CABIN1: variants seen among roughly 807,000 people sequenced by gnomAD.
CABIN1 encodes calcineurin-binding protein cabin-1.
A neutral mutation model predicts 227.7 loss-of-function variants in CABIN1; 133 were observed. The ratio of observed to expected loss-of-function variants is 0.58; its 90% confidence interval spans 0.51 to 0.67. The LOEUF (loss-of-function observed/expected upper bound fraction) is 0.67. Among genes scored for constraint, CABIN1 ranks in the 30% least tolerant of loss-of-function variants. CABIN1 has a pLI of 0.00. For synonymous variants in CABIN1, 1,086 were observed against 1,155.1 expected (o/e 0.94, Z 1.21); for missense variants, 2,408 against 2,852.5 (o/e 0.84, Z 3.55).
At chr22:24,167,759 T>C (rs762028481) in intron 32 of CABIN1, among the ~76,000 whole-genome samples, 1 of 152,200 alleles carries the variant, frequency 6.6e-6, no homozygotes, top group Non-Finnish European at 1.5e-5. Flanking sequence ...TCCAAAACTT[T>C]AGTGACTGGT....
In CABIN1 at chr22:24,091,708, G is replaced by A. The variant is rs753938974; in HGVS notation, c.3651G>A (p.Glu1217=). The A allele has an allele frequency of 1.2e-6, 2 of 1,614,056 alleles. No homozygotes were observed. The highest frequency in any genetic ancestry group is 1.7e-6 in the Non-Finnish European group (2 of 1,180,050). The part of the protein sequence containing the change: ...LIHYMLGKVA[E]KQQQPPTVYL... ...ACTACATGCTGGGCAAGGTGGCTGA[G>A]AAGCAGCAGCAGCCACCCACCGTTT... The change falls in exon 24 of 37, where the codon GAG becomes GAA. Residue 1217 remains glutamate (E), a synonymous_variant. Transcript: ENST00000263119.
At chr22:24,081,000 T>C (rs2040771412) in intron 19 of CABIN1, among the ~76,000 whole-genome samples, 1 of 152,176 alleles carries the variant, frequency 6.6e-6, no homozygotes, top group Non-Finnish European at 1.5e-5. Context: ...CTTTGAGGCT[T>C]TGTAGGTTCT....
At chr22:24,019,972 A>G (rs1407253430) in intron 1 of CABIN1, among the ~76,000 whole-genome samples, 1 of 151,872 alleles carries the variant, frequency 6.6e-6, no homozygotes, top group Non-Finnish European at 1.5e-5. Flanking sequence ...CCATTTTTAT[A>G]TCTCTAATTG....
chr22:24,177,841 G>A lies in CABIN1; in HGVS notation c.6519+24G>A, dbSNP rs746068889. 1.9e-6 allele frequency: 3 copies of A among 1,601,094 alleles called. No individual in the cohort carries two copies. The highest frequency in any genetic ancestry group is 2.6e-6 in the Non-Finnish European group (3 of 1,171,854). On this transcript the variant is annotated intron_variant, in intron 36 of 36. Transcript: ENST00000263119. The surrounding 1 kb of genome is among the most constrained non-coding windows in gnomAD (Gnocchi z 4.4). ...AGGTGACCTCAGGGGCTGGGCTGGA[G>A]CCATGTGTGGGTGGGAGGCATAGGT...
chr22:24,035,512 C>T lies in CABIN1; in HGVS notation c.-6C>T. On this transcript the variant is annotated 5_prime_UTR_variant, in exon 2 of 37. Transcript: ENST00000263119. ...ATGCTCGTGGCAGTGCTGAATCTCT[C>T]TGAATATGGTAAGGACTGATGCCTG... 6.2e-7 allele frequency: 1 copy of T among 1,614,168 alleles called. No homozygotes were observed. The highest frequency in any genetic ancestry group is 2.2e-5 in the East Asian group (1 of 44,878).
Position 24,084,583 on chromosome 22 carries a change from A to C in CABIN1, c.2915A>C (p.Asp972Ala), listed in dbSNP as rs1426635501. 6.2e-6 allele frequency: 10 copies of C among 1,612,968 alleles called. No individual in the cohort carries two copies. Among genetic ancestry groups the C allele is most frequent in the Non-Finnish European group, 6.8e-6 (8 of 1,179,518 alleles). The change falls in exon 21 of 37, where the codon GAT becomes GCT. Residue 972 changes from aspartate to alanine, a missense_variant. Asp to Ala is a moderately radical substitution (Grantham distance 126). Coordinates refer to ENST00000263119, the MANE Select transcript of CABIN1 (RefSeq NM_012295.4). Reference sequence around the variant, plus strand: ...GCCTTCTGTCTTTTTTTCAAGGTGGATCTTATATGGGAGGATGCACTGTTC... The same window carrying C: ...GCCTTCTGTCTTTTTTTCAAGGTGGCTCTTATATGGGAGGATGCACTGTTC... ...YLEEHSAQQV[D>A]LIWEDALFMF...
Position 24,168,539 on chromosome 22 carries a change from T to C in CABIN1, c.5757+18T>C. ...AGAGACAGGTAAGCCCAATTTAGCC[T>C]GTGCCAGCCTCATCTTGCGGAGCCT... On this transcript the variant is annotated intron_variant, in intron 33 of 36. Coordinates refer to ENST00000263119, the MANE Select transcript of CABIN1 (RefSeq NM_012295.4). The C allele has an allele frequency of 6.5e-7, 1 of 1,545,010 alleles. No individual in the cohort carries two copies. The highest frequency in any genetic ancestry group is 8.8e-7 in the Non-Finnish European group (1 of 1,141,056).
intron 19 of CABIN1, among the ~76,000 whole-genome samples, chr22:24,078,173 C>T (rs1180615680): frequency 1.3e-5 from 2 of 152,134 alleles, no homozygotes; most frequent in Non-Finnish European, 2.9e-5. Context: ...TGGGGACCCC[C>T]ACCATTTGTT....
chr22:24,168,812 T>G (rs1274193019), intron 33 of CABIN1, among the ~76,000 whole-genome samples: 2 of 152,200 alleles, frequency 1.3e-5, no homozygotes, highest in African/African-American at 4.8e-5. Context: ...GGGAAGGTCA[T>G]TCCGTTTGGA....
intron 29 of CABIN1, among the ~76,000 whole-genome samples, chr22:24,147,844 G>A (rs1044514067): frequency 3.3e-5 from 5 of 152,292 alleles, no homozygotes; most frequent in African/African-American, 1.2e-4. Context: ...CTGGGCCCAG[G>A]TGCACTGTCT....
At chr22:24,084,353 C>T (rs931557751) in intron 20 of CABIN1, among the ~76,000 whole-genome samples, 2 of 151,922 alleles carry the variant, frequency 1.3e-5, no homozygotes, top group South Asian at 2.1e-4. Context: ...ATTCTCCTGC[C>T]GCAACCTCCT....
intron 29 of CABIN1, among the ~76,000 whole-genome samples, chr22:24,138,808 G>A (rs1275178294): frequency 2.0e-5 from 3 of 152,150 alleles, no homozygotes; most frequent in Non-Finnish European, 4.4e-5. Flanking sequence ...ATGTCAAAAT[G>A]TTATTGGACA....
At chr22:24,126,422 G>C (rs2043728264) in intron 28 of CABIN1, among the ~76,000 whole-genome samples, 1 of 152,166 alleles carries the variant, frequency 6.6e-6, no homozygotes, top group Admixed American at 6.5e-5. Context: ...GCTTCCAGAT[G>C]GACACACACC....
In CABIN1 at chr22:24,119,711, C is replaced by T. The variant is rs773437749; in HGVS notation, c.4632+13C>T. On this transcript the variant is annotated intron_variant, in intron 28 of 36. Coordinates refer to ENST00000263119, the MANE Select transcript of CABIN1 (RefSeq NM_012295.4). ...CAAGACCCACCGGGTGAGTGGCTGC[C>T]GGGCCAAGGGGGCTTGGATCTTCCC... is the stretch of plus-strand genomic sequence containing the variant. The T allele has an allele frequency of 7.8e-5, 125 of 1,612,114 alleles. No individual in the cohort carries two copies. The highest frequency in any genetic ancestry group is 1.3e-4 in the South Asian group (12 of 91,046).
chr22:24,170,080 G>A (rs764548081), intron 33 of CABIN1: 1 of 454,184 alleles, frequency 2.2e-6, no homozygotes, highest in South Asian at 1.6e-5. Context: ...GAGGGGAGTG[G>A]CAGGGAGGAG....
chr22:24,096,669 C>G (rs991624727), intron 25 of CABIN1, among the ~76,000 whole-genome samples: 2 of 152,170 alleles, frequency 1.3e-5, no homozygotes. Flanking sequence ...GCCCCATCCT[C>G]AGGGGCAAGT....
intron 29 of CABIN1, among the ~76,000 whole-genome samples, chr22:24,156,790 C>T (rs902979751): frequency 6.6e-6 from 1 of 151,998 alleles, no homozygotes; most frequent in Non-Finnish European, 1.5e-5. Context: ...CACATAGAGC[C>T]TACAGCAGAG....
chr22:24,056,119 T>C, intron 9 of CABIN1, 73 bp from the exon 10 acceptor site: 1 of 1,257,812 alleles, frequency 8.0e-7, no homozygotes, highest in Non-Finnish European at 1.2e-6. Flanking sequence ...AAGAGGGAGA[T>C]TGATGTGTCT....
chr22:24,054,167 A>C (rs368115224), intron 8 of CABIN1, among the ~76,000 whole-genome samples: 4 of 152,332 alleles, frequency 2.6e-5, no homozygotes, highest in African/African-American at 7.2e-5. Flanking sequence ...AGCCTGAGGC[A>C]TTAGAAGCAA....
Sources: allele counts gnomAD v4.1 joint callset (sites outside exome capture counted in the v4.1 genomes callset), GRCh38; gene constraint gnomAD v4.1.1; non-coding constraint Gnocchi (gnomAD v3.1); transcripts MANE v1.5; gene names NCBI Gene and HGNC (gene_info 2026-07-23, HGNC 2026-07-21).